MROH2B: variants seen among roughly 807,000 people sequenced by gnomAD.
MROH2B encodes maestro heat like repeat family member 2B, also known as maestro heat-like repeat-containing protein family member 2B.
A neutral mutation model predicts 208.6 loss-of-function variants in MROH2B; 177 were observed. That is an observed-to-expected ratio of 0.85 (90% CI 0.75 to 0.96). The LOEUF is 0.96. MROH2B is among the 40% of genes least tolerant of loss of function. The probability of loss-of-function intolerance (pLI) is 0.00; values close to 1 mark genes in which losing one functional copy is unlikely to be tolerated. For synonymous variants in MROH2B, 728 were observed against 659.0 expected (o/e 1.10, Z -1.60); for missense variants, 2,002 against 1,878.7 (o/e 1.07, Z -1.21).
chr5:41,045,267 CT>C (rs1442571177), intron 18 of MROH2B, among the ~76,000 whole-genome samples: 10 of 152,334 alleles, frequency 6.6e-5, no homozygotes, highest in African/African-American at 2.4e-4. Context: ...CTCTTTGTCA[CT>C]GGAAATAAAA....
At chr5:41,035,223 T>C (rs1287230316) in intron 21 of MROH2B, among the ~76,000 whole-genome samples, 1 of 152,106 alleles carries the variant, frequency 6.6e-6, no homozygotes, top group African/African-American at 2.4e-5. Flanking sequence ...AGCATGGTGC[T>C]GGCACAAAAA....
intron 11 of MROH2B, among the ~76,000 whole-genome samples, chr5:41,053,098 T>C (rs1360092090): frequency 2.0e-5 from 3 of 152,174 alleles, no homozygotes; most frequent in Non-Finnish European, 4.4e-5. Flanking sequence ...TATGAATTGT[T>C]GGGTAACTTT....
chr5:41,055,721 G>A, intron 10 of MROH2B, 21 bp downstream of exon 10: 2 of 1,577,714 alleles, frequency 1.3e-6, no homozygotes, highest in Non-Finnish European at 1.7e-6. Flanking sequence ...AAACCATGTT[G>A]GCTTCAACCC....
chr5:41,032,718 T>C (rs755960920), intron 24 of MROH2B, 24 bp downstream of exon 24: 4 of 1,598,642 alleles, frequency 2.5e-6, no homozygotes, highest in Non-Finnish European at 3.4e-6. Context: ...ACTTTTTCAA[T>C]GAAAACAACT....
In MROH2B at chr5:41,033,033, A is replaced by C. The variant is rs1742626925; in HGVS notation, c.2361+8T>G. ...AGGGCCTTTCTTATTCCCTCTCTGC[A>C]CACTCACCAGCATGTAACCAATCAG... On this transcript the variant is annotated splice_region_variant and intron_variant, in intron 23 of 41. Transcript: ENST00000399564. The C allele has an allele frequency of 6.2e-7, 1 of 1,612,702 alleles. No individual in the cohort carries two copies. Among genetic ancestry groups the C allele is most frequent in the Non-Finnish European group, 8.5e-7 (1 of 1,179,180 alleles).
intron 19 of MROH2B, among the ~76,000 whole-genome samples, chr5:41,041,336 C>T (rs1352483714): frequency 6.6e-6 from 1 of 151,962 alleles, no homozygotes; most frequent in Non-Finnish European, 1.5e-5. Context: ...TTTAAAAATA[C>T]ACATCTTCAG....
chr5:41,028,692 G>A (rs1742463662), intron 24 of MROH2B, among the ~76,000 whole-genome samples: 1 of 152,066 alleles, frequency 6.6e-6, no homozygotes, highest in Non-Finnish European at 1.5e-5. Flanking sequence ...ATATCACAAT[G>A]TCTTTATCCA....
At position 41,041,973 on chromosome 5, in the gene MROH2B, G is replaced by A. The variant is rs887986193; in HGVS notation, c.1953+119C>T. ...AAAATTCTGTTAGGCTATTCTGAGTGTATTAATTGATAATTATGATTAAGT... is the reference window on the plus strand; with the variant it reads ...AAAATTCTGTTAGGCTATTCTGAGTATATTAATTGATAATTATGATTAAGT... On this transcript the variant is annotated intron_variant, in intron 19 of 41. Transcript: ENST00000399564. The A allele has an allele frequency of 7.4e-6, 4 of 540,698 alleles. No homozygotes were observed. The African/African-American group carries it at 7.6e-5, about 10-fold the overall frequency. The allele number at this position is 540,698 out of a possible 1,614,324, so 33.5% of individuals were successfully genotyped here.
At chr5:41,022,374 C>T (rs573530063) in intron 24 of MROH2B, among the ~76,000 whole-genome samples, 71 of 152,346 alleles carry the variant, frequency 4.7e-4, no homozygotes, top group African/African-American at 1.7e-3. Flanking sequence ...TTCGCATGGT[C>T]TTAGCAAATG....
Position 40,999,768 on chromosome 5 carries a change from GT to G in MROH2B, c.4493del (p.Asn1498ThrfsTer22). Reference protein sequence around the residue: ...RQFCVKLAKKNQEILWILHTH... With the variant: ...RQFCVKLAKKXQEILWILHTH... ...TGTGGAGGATCCACAGAATTTCCTG[GT>G]TTTTCTTGGCCTAGAAGAGATGTGA... On this transcript the variant is annotated frameshift_variant, in exon 40 of 42. Transcript: ENST00000399564. LOFTEE classifies it high-confidence loss of function. 1 of 1,613,338 alleles carries G rather than the reference GT, an allele frequency of 6.2e-7. No individual in the cohort carries two copies. The highest frequency in any genetic ancestry group is 1.1e-5 in the South Asian group (1 of 90,976).
chr5:41,067,449 C>A (rs970988408), intron 2 of MROH2B, among the ~76,000 whole-genome samples: 3 of 152,062 alleles, frequency 2.0e-5, no homozygotes, highest in African/African-American at 7.2e-5. Flanking sequence ...TCACTGCAAC[C>A]TCTGCCTCCT....
chr5:41,000,690 G>A lies in MROH2B; in HGVS notation c.4338C>T (p.Pro1446=). Residue 1446 remains proline, a synonymous_variant, in exon 38 of 42, where the codon CCC becomes CCT. Coordinates refer to ENST00000399564, the MANE Select transcript of MROH2B (RefSeq NM_173489.5). ...SFLLHLWDPN[P]KIGVACRDVL... ...GGAGAGCACTTACAACTCCAATCTT[G>A]GGGTTGGGATCCCAAAGGTGCAGAA... 1 of 1,611,172 alleles carries A rather than the reference G, an allele frequency of 6.2e-7. No individual in the cohort carries two copies. Among genetic ancestry groups the A allele is most frequent in the Non-Finnish European group, 8.5e-7 (1 of 1,178,766 alleles).
At chr5:41,069,028 T>C (rs1242982270) in intron 2 of MROH2B, among the ~76,000 whole-genome samples, 1 of 152,176 alleles carries the variant, frequency 6.6e-6, no homozygotes, top group Non-Finnish European at 1.5e-5. Flanking sequence ...TAGGAACATT[T>C]TTTTTTGGAG....
chr5:41,064,676 A>C, intron 4 of MROH2B, 106 bp from the exon 5 acceptor site: 1 of 718,548 alleles, frequency 1.4e-6, no homozygotes, highest in Non-Finnish European at 2.4e-6. Context: ...CGGAGGAGGC[A>C]GATGAGGTGT....
At chr5:40,999,337 T>C (rs1199183363) in intron 40 of MROH2B, among the ~76,000 whole-genome samples, 1 of 152,060 alleles carries the variant, frequency 6.6e-6, no homozygotes, top group Non-Finnish European at 1.5e-5. Flanking sequence ...GGTTATCTTA[T>C]GGGATGAGGT....
At position 41,038,793 on chromosome 5, in the gene MROH2B, G is replaced by T; in HGVS notation, c.2157C>A (p.Ser719=). ...ALHAPKKQLL[S]RLNQDIISQV... Reference sequence around the variant, plus strand: ...GGGATATGATATCTTGATTAAGTCTGGAGAGAAGTTGCTTCTTGGGAGCAT... The same window carrying T: ...GGGATATGATATCTTGATTAAGTCTTGAGAGAAGTTGCTTCTTGGGAGCAT... The change falls in exon 21 of 42, where the codon TCC becomes TCA. Residue 719 remains serine (S), a synonymous_variant. Transcript: ENST00000399564. The T allele has an allele frequency of 6.2e-7, 1 of 1,613,626 alleles. No individual in the cohort carries two copies.
Position 41,061,553 on chromosome 5 carries a change from T to A in MROH2B, c.615+17A>T. 1 of 1,595,358 alleles carries A rather than the reference T, an allele frequency of 6.3e-7. No homozygotes were observed. Among genetic ancestry groups the A allele is most frequent in the Non-Finnish European group, 8.5e-7 (1 of 1,170,888 alleles). ...ATATAGGGACATCCAGCTTGAGGCA[T>A]CCTGAGGCCCACTCACCTGCATGGG... On this transcript the variant is annotated intron_variant, in intron 6 of 41. Transcript: ENST00000399564.
chr5:41,033,509 G>GTTT (rs1244554099), intron 22 of MROH2B, among the ~76,000 whole-genome samples: 23 of 152,062 alleles, frequency 1.5e-4, no homozygotes. Flanking sequence ...TACAAGTAAA[G>GTTT]TACTCTGTTG....
intron 37 of MROH2B, among the ~76,000 whole-genome samples, chr5:41,003,930 C>T (rs556757199): frequency 6.6e-6 from 1 of 152,204 alleles, no homozygotes; most frequent in South Asian, 2.1e-4. Context: ...TTATGGAGTA[C>T]ATCAAAAGCT....
Sources: allele counts gnomAD v4.1 joint callset (sites outside exome capture counted in the v4.1 genomes callset), GRCh38; gene constraint gnomAD v4.1.1; transcripts MANE v1.5; gene names NCBI Gene and HGNC (gene_info 2026-07-23, HGNC 2026-07-21).